Variants in CREB1 observed in about 807,000 individuals in gnomAD.
The protein encoded by CREB1 is cyclic AMP-responsive element-binding protein 1.
A neutral mutation model predicts 42.0 loss-of-function variants in CREB1; 2 were observed. The ratio of observed to expected loss-of-function variants is 0.05; its 90% confidence interval spans 0.02 to 0.15. CREB1 has a LOEUF of 0.15. Among genes scored for constraint, CREB1 ranks in the 10% least tolerant of loss-of-function variants. The pLI, the probability that CREB1 is intolerant of heterozygous loss-of-function variation, is 1.00. For synonymous variants in CREB1, 123 were observed against 139.9 expected (o/e 0.88, Z 0.85); for missense variants, 199 against 388.9 (o/e 0.51, Z 4.11).
At chr2:207,566,733 G>A (rs1481865519) in intron 3 of CREB1, among the ~76,000 whole-genome samples, 7 of 152,038 alleles carry the variant, frequency 4.6e-5, no homozygotes, top group African/African-American at 9.7e-5. Context: ...CCCATCTGGC[G>A]CCTACATTAC....
At chr2:207,532,008 T>A (rs1385489376) in intron 1 of CREB1, among the ~76,000 whole-genome samples, 1 of 152,200 alleles carries the variant, frequency 6.6e-6, no homozygotes, top group Non-Finnish European at 1.5e-5. Context: ...GCTTACCATT[T>A]TTCCTTTATG....
At chr2:207,545,273 T>C (rs2081259162) in intron 1 of CREB1, among the ~76,000 whole-genome samples, 1 of 152,170 alleles carries the variant, frequency 6.6e-6, no homozygotes, top group Non-Finnish European at 1.5e-5. Flanking sequence ...AGTGGCATGA[T>C]CTCGGCTCAC....
chr2:207,556,666 A>G (rs890154431), intron 2 of CREB1, among the ~76,000 whole-genome samples: 1 of 152,194 alleles, frequency 6.6e-6, no homozygotes, highest in African/African-American at 2.4e-5. Context: ...GTTTTCTCCT[A>G]AGACCACCAG....
intron 3 of CREB1, among the ~76,000 whole-genome samples, chr2:207,560,844 G>A (rs961602914): frequency 6.6e-6 from 1 of 152,150 alleles, no homozygotes; most frequent in African/African-American, 2.4e-5. Flanking sequence ...CAGTTACAGT[G>A]TGTAACTTTG....
At chr2:207,547,159 C>T (rs2081330725) in intron 1 of CREB1, among the ~76,000 whole-genome samples, 1 of 152,180 alleles carries the variant, frequency 6.6e-6, no homozygotes, top group African/African-American at 2.4e-5. Flanking sequence ...TTCACTCTTC[C>T]ATGTCCAATT....
chr2:207,603,897 A>G lies in CREB1; in HGVS notation c.*6839A>G, dbSNP rs1180028497. 1.3e-5 allele frequency among the ~76,000 whole-genome samples: 2 copies of G among 152,244 alleles called. No homozygotes were observed. The highest frequency in any genetic ancestry group is 2.1e-4 in the South Asian group (1 of 4,834). On this transcript the variant is annotated 3_prime_UTR_variant, in exon 8 of 8. Coordinates refer to ENST00000353267, the MANE Select transcript of CREB1 (RefSeq NM_004379.5). ...CTATTAACTTCTGAAATAAGTTCTG[A>G]GACGAGACATCTGAAAATAAGCAGC...
rs929820503 is a variant in CREB1, at chr2:207,602,640, A to G, written c.*5582A>G. 1.4e-5 allele frequency: 3 copies of G among 211,474 alleles called. No homozygotes were observed. Among genetic ancestry groups the G allele is most frequent in the East Asian group, 7.1e-5 (1 of 14,134 alleles). 13.1% of individuals were successfully genotyped at this position (211,474 alleles called of 1,614,324 possible). On this transcript the variant is annotated 3_prime_UTR_variant, in exon 8 of 8. Transcript: ENST00000353267. The stretch of plus-strand genomic sequence containing the variant: ...GTTTGTTGGCCAAGTGAAATGATCT[A>G]TCATTGTGTTTGGGAGGTTTTATTT...
chr2:207,595,763 C>G (rs1253220923), intron 7 of CREB1, among the ~76,000 whole-genome samples: 1 of 152,088 alleles, frequency 6.6e-6, no homozygotes, highest in African/African-American at 2.4e-5. Context: ...GAGACAGGGT[C>G]TTAATATATT....
intron 7 of CREB1, among the ~76,000 whole-genome samples, chr2:207,581,176 A>G (rs2082914100): frequency 6.6e-6 from 1 of 152,230 alleles, no homozygotes; most frequent in Admixed American, 6.5e-5. Context: ...TTAGGAAAGT[A>G]AAAGATAAAG....
chr2:207,557,311 T>C (rs1225170702), intron 2 of CREB1, among the ~76,000 whole-genome samples: 1 of 152,160 alleles, frequency 6.6e-6, no homozygotes, highest in African/African-American at 2.4e-5. Context: ...AGTTTGTGTT[T>C]TTGATATGGT....
chr2:207,592,588 T>C (rs867551775), intron 7 of CREB1, among the ~76,000 whole-genome samples: 17 of 152,130 alleles, frequency 1.1e-4, no homozygotes, highest in African/African-American at 3.4e-4. Context: ...ATTTATCTTA[T>C]TCTTCTTGTG....
intron 1 of CREB1, among the ~76,000 whole-genome samples, chr2:207,539,486 G>A (rs1423480351): frequency 6.6e-6 from 1 of 152,036 alleles, no homozygotes; most frequent in African/African-American, 2.4e-5. Flanking sequence ...ATTGACCATT[G>A]ACTTTATTAT....
intron 6 of CREB1, chr2:207,576,652 G>C (rs1357858869): frequency 7.7e-7 from 1 of 1,291,108 alleles, no homozygotes; most frequent in Admixed American, 2.4e-5. Flanking sequence ...TTGTAAAGCA[G>C]GATGTCAGTG....
chr2:207,554,289 T>C (rs1324044459), intron 1 of CREB1, among the ~76,000 whole-genome samples: 1 of 152,216 alleles, frequency 6.6e-6, no homozygotes. Context: ...TAGAACCTTA[T>C]GAGTGATAGC....
rs11397523 is a variant in CREB1, at chr2:207,546,728, C to CAA, written c.-8-8891_-8-8890dup. ...CTTGGGGGACAGTGAGACCCTATAT[C>CAA]AAAAAAAAAACAAAAAACAACAAAA... On this transcript the variant is annotated intron_variant, in intron 1 of 7. Coordinates refer to ENST00000353267, the MANE Select transcript of CREB1 (RefSeq NM_004379.5). Among the ~76,000 whole-genome samples, 93 of 147,254 alleles carry CAA rather than the reference C, an allele frequency of 6.3e-4. 1 individual carries two copies. Among genetic ancestry groups the CAA allele is most frequent in the East Asian group, 4.9e-3 (25 of 5,068 alleles).
rs764539639 is a variant in CREB1, at chr2:207,542,418, G to A, written c.-9+12284G>A. On this transcript the variant is annotated intron_variant, in intron 1 of 7. Coordinates refer to ENST00000353267, the MANE Select transcript of CREB1 (RefSeq NM_004379.5). ...TGGTTTTGATTTGTATTTCCCTCAC[G>A]ACTAATGATATCAAGCTGCTTTTCA... 1.3e-3 allele frequency among the ~76,000 whole-genome samples: 195 copies of A among 152,092 alleles called. 6 individuals carry two copies. The highest frequency in any genetic ancestry group is 9.0e-4 in the Non-Finnish European group (61 of 68,008).
At chr2:207,557,497 A>G (rs2081776883) in intron 2 of CREB1, among the ~76,000 whole-genome samples, 1 of 152,122 alleles carries the variant, frequency 6.6e-6, no homozygotes, top group African/African-American at 2.4e-5. Context: ...CCTGGCTAAC[A>G]CAGTGAAGCC....
At chr2:207,578,329 C>A (rs1031713497) in intron 7 of CREB1, among the ~76,000 whole-genome samples, 10 of 152,064 alleles carry the variant, frequency 6.6e-5, no homozygotes, top group African/African-American at 2.4e-4. Flanking sequence ...TGGTTTAGAA[C>A]TTTCATATAG....
intron 1 of CREB1, among the ~76,000 whole-genome samples, chr2:207,553,550 A>C (rs567783281): frequency 6.6e-6 from 1 of 152,390 alleles, no homozygotes; most frequent in South Asian, 2.1e-4. Flanking sequence ...TTAGAAATAC[A>C]GGGTGAATAG....
Sources: allele counts gnomAD v4.1 joint callset (sites outside exome capture counted in the v4.1 genomes callset), GRCh38; gene constraint gnomAD v4.1.1; transcripts MANE v1.5; gene names NCBI Gene and HGNC (gene_info 2026-07-23, HGNC 2026-07-21).